The following ABAT variants were observed in gnomAD, a reference collection of about 807,000 sequenced individuals.
ABAT encodes the protein 4-aminobutyrate aminotransferase.
ABAT carries 45 observed loss-of-function variants against 64.6 expected under a neutral mutation model. The observed-to-expected ratio is 0.70, with a 90% confidence interval of 0.55 to 0.89. The LOEUF (loss-of-function observed/expected upper bound fraction) is 0.89, where lower values mean the gene tolerates loss of function less well. Ranked by LOEUF, ABAT falls within the 40% of genes least tolerant of loss-of-function variation. ABAT has a pLI of 0.00. For missense variants in ABAT, 633 were observed against 658.4 expected, an observed-to-expected ratio of 0.96 and a Z score of 0.42; for synonymous variants, 297 against 250.5, an observed-to-expected ratio of 1.19 and a Z score of -1.75.
chr16:8,775,489 G>A (rs1411478723), intron 13 of ABAT, among the ~76,000 whole-genome samples: 1 of 152,152 alleles, frequency 6.6e-6, no homozygotes, highest in African/African-American at 2.4e-5. Flanking sequence ...CCTGTTAAGT[G>A]ACAAAGCCAG....
chr16:8,781,558 A>T lies in ABAT; in HGVS notation c.*128A>T. 65 of 685,096 alleles carry T rather than the reference A, an allele frequency of 9.5e-5. No homozygotes were observed. Among genetic ancestry groups the T allele is most frequent in the East Asian group, 3.1e-4 (5 of 15,964 alleles). The allele number at this position is 685,096 out of a possible 1,614,324, so 42.4% of individuals were successfully genotyped here. On this transcript the variant is annotated 3_prime_UTR_variant, in exon 16 of 16. Transcript: ENST00000268251. The surrounding 1 kb of genome is among the most constrained non-coding windows in gnomAD (Gnocchi z 4.5). ...GCACAGTGAAGGGTGATTTGTGGGG[A>T]GGGAGCATTTTTGGTGGTCTTGGGG...
intron 2 of ABAT, among the ~76,000 whole-genome samples, chr16:8,738,190 A>G (rs1479711385): frequency 2.6e-5 from 4 of 151,632 alleles, no homozygotes; most frequent in African/African-American, 4.8e-5. Context: ...GCATGGTGAC[A>G]TGTGCTTGTA....
chr16:8,704,208 T>C (rs944232891), intron 1 of ABAT, among the ~76,000 whole-genome samples: 1 of 152,248 alleles, frequency 6.6e-6, no homozygotes, highest in African/African-American at 2.4e-5. Context: ...AGAAAGCTAA[T>C]GTCCTTTTTA....
Position 8,682,186 on chromosome 16 carries a change from TACACACACAC to T in ABAT, c.-42+7507_-42+7516del, listed in dbSNP as rs55951090. Among the ~76,000 whole-genome samples the T allele has an allele frequency of 1.1e-4, 15 of 131,558 alleles. No homozygotes were observed. The South Asian group carries it at 2.3e-3, about 20-fold the overall frequency. The allele number at this position is 131,558 out of a possible 152,430, so 86.3% of individuals were successfully genotyped here. On this transcript the variant is annotated intron_variant, in intron 1 of 15. Coordinates refer to ENST00000268251, the MANE Select transcript of ABAT (RefSeq NM_020686.6). ...ATCAGATTGCTTGTGCCTAACAGGA[TACACACACAC>T]ACACACACACACACACACACACACA...
intron 11 of ABAT, among the ~76,000 whole-genome samples, chr16:8,772,262 G>C (rs879606054): frequency 0.24 from 5,195 of 21,256 alleles, 121 homozygotes; most frequent in African/African-American, 0.36. Context: ...CTGTGTGTGT[G>C]TGTGTGTGTG....
chr16:8,695,633 G>T (rs2057685464), intron 1 of ABAT, among the ~76,000 whole-genome samples: 1 of 152,244 alleles, frequency 6.6e-6, no homozygotes, highest in South Asian at 2.1e-4. Context: ...TTAGCATCGG[G>T]TGAGTGTAGA....
At chr16:8,733,032 C>T (rs2058788886) in intron 1 of ABAT, among the ~76,000 whole-genome samples, 1 of 147,278 alleles carries the variant, frequency 6.8e-6, no homozygotes, top group Non-Finnish European at 1.5e-5. Flanking sequence ...GGGGCTGATC[C>T]CCCCACCTCC....
intron 1 of ABAT, among the ~76,000 whole-genome samples, chr16:8,725,928 G>C (rs914793761): frequency 2.6e-5 from 4 of 152,006 alleles, no homozygotes; most frequent in African/African-American, 7.3e-5. Flanking sequence ...CCTGCCTCGA[G>C]AACCCCCTCC....
chr16:8,679,177 G>C (rs1221237630), intron 1 of ABAT, among the ~76,000 whole-genome samples: 1 of 152,114 alleles, frequency 6.6e-6, no homozygotes, highest in Non-Finnish European at 1.5e-5. Flanking sequence ...AAGGGACACT[G>C]TAAATAATTA....
chr16:8,780,382 T>C (rs1220220559), intron 15 of ABAT: 1 of 154,250 alleles, frequency 6.5e-6, no homozygotes, highest in Admixed American at 6.4e-5. Flanking sequence ...CAGTTCTTCT[T>C]GTGCCATCTT....
chr16:8,725,979 C>T (rs1004684615), intron 1 of ABAT, among the ~76,000 whole-genome samples: 2 of 152,088 alleles, frequency 1.3e-5, no homozygotes, highest in Non-Finnish European at 2.9e-5. Flanking sequence ...ATGCTGAGTG[C>T]ATGCTCCCTG....
At chr16:8,720,356 C>A (rs965272811) in intron 1 of ABAT, among the ~76,000 whole-genome samples, 5 of 152,244 alleles carry the variant, frequency 3.3e-5, no homozygotes, top group African/African-American at 1.2e-4. Context: ...GCTCTTGTTA[C>A]TTTCCCCACA....
intron 5 of ABAT, 147 bp downstream of exon 5, chr16:8,750,686 A>C (rs2059455234): frequency 6.4e-6 from 5 of 780,442 alleles, no homozygotes; most frequent in Non-Finnish European, 1.1e-5. Flanking sequence ...AAAAATAAAT[A>C]ATGTGTAAAG....
rs574094608 is a variant in ABAT at position 8,780,299 on chromosome 16, G to C, written c.1381+709G>C. On this transcript the variant is annotated intron_variant, in intron 15 of 15. Coordinates refer to ENST00000268251, the MANE Select transcript of ABAT (RefSeq NM_020686.6). ...CCTAGGAGCTGTGGGAAGCCACTGA[G>C]GACATGTGTGGCAGGGGTAAGGGCA... 4.9e-5 allele frequency: 8 copies of C among 164,330 alleles called. No homozygotes were observed. The East Asian group carries it at 1.2e-3, about 25-fold the overall frequency. The allele number at this position is 164,330 out of a possible 1,614,324, so 10.2% of individuals were successfully genotyped here.
intron 1 of ABAT, among the ~76,000 whole-genome samples, chr16:8,676,053 G>A (rs1007264906): frequency 1.3e-5 from 2 of 152,034 alleles, no homozygotes; most frequent in Non-Finnish European, 2.9e-5. Context: ...GGGAGGGGGT[G>A]GGAAGAGCTC....
Position 8,764,941 on chromosome 16 carries a change from G to A in ABAT, c.540+111G>A. 2 of 1,020,124 alleles carry A rather than the reference G, an allele frequency of 2.0e-6. No homozygotes were observed. The highest frequency in any genetic ancestry group is 1.3e-5 in the South Asian group (1 of 76,254). The allele number at this position is 1,020,124 out of a possible 1,614,324, so 63.2% of individuals were successfully genotyped here. On this transcript the variant is annotated intron_variant, in intron 8 of 15. Coordinates refer to ENST00000268251, the MANE Select transcript of ABAT (RefSeq NM_020686.6). The surrounding 1 kb of genome is among the most constrained non-coding windows in gnomAD (Gnocchi z 4.2). Reference sequence around the variant, plus strand: ...CAATGGGCTGGAGTATTAGACATCAGTACCAGGGTTAAAATACAGGGAGGG... The same window carrying A: ...CAATGGGCTGGAGTATTAGACATCAATACCAGGGTTAAAATACAGGGAGGG...
chr16:8,728,349 C>T (rs1006192039), intron 1 of ABAT, among the ~76,000 whole-genome samples: 3 of 152,172 alleles, frequency 2.0e-5, no homozygotes, highest in African/African-American at 7.2e-5. Context: ...GGGATTGGCT[C>T]TCACTTTTGC....
intron 3 of ABAT, among the ~76,000 whole-genome samples, chr16:8,747,900 T>C (rs2059378315): frequency 6.6e-6 from 1 of 152,230 alleles, no homozygotes; most frequent in African/African-American, 2.4e-5. Flanking sequence ...CCAGCCTGTC[T>C]ATCGTACTAG....
rs1641010 is a variant in ABAT, at chr16:8,748,103, T to A, written c.169-5T>A. Reference sequence around the variant, plus strand: ...CTATAATGCTTTTGTTGTTCTTGCCTGCAGGAGTTAATGAAACAGCTGAAT... The same window carrying A: ...CTATAATGCTTTTGTTGTTCTTGCCAGCAGGAGTTAATGAAACAGCTGAAT... On this transcript the variant is annotated splice_polypyrimidine_tract_variant and splice_region_variant and intron_variant, in intron 3 of 15. Transcript: ENST00000268251. 6.2e-7 allele frequency: 1 copy of A among 1,612,916 alleles called. No individual in the cohort carries two copies. Among genetic ancestry groups the A allele is most frequent in the Non-Finnish European group, 8.5e-7 (1 of 1,179,206 alleles).
Sources: allele counts gnomAD v4.1 joint callset (sites outside exome capture counted in the v4.1 genomes callset), GRCh38; gene constraint gnomAD v4.1.1; non-coding constraint Gnocchi (gnomAD v3.1); transcripts MANE v1.5; gene names NCBI Gene and HGNC (gene_info 2026-07-23, HGNC 2026-07-21).